Variants in KSR2 observed in about 807,000 individuals in gnomAD.
KSR2 encodes kinase suppressor of ras 2.
In KSR2, 25 loss-of-function variants were observed where a neutral mutation model predicts 107.8. That is an observed-to-expected ratio of 0.23 (90% CI 0.17 to 0.32). KSR2 has a LOEUF of 0.32. Ranked by LOEUF, KSR2 falls within the 10% of genes least tolerant of loss-of-function variation. The pLI is 1.00. For missense variants in KSR2, 887 were observed against 1,268.9 expected, an observed-to-expected ratio of 0.70 and a Z score of 4.57; for synonymous variants, 480 against 507.0, an observed-to-expected ratio of 0.95 and a Z score of 0.71.
chr12:117,784,239 T>C (rs1411889852), intron 3 of KSR2, among the ~76,000 whole-genome samples: 1 of 152,122 alleles, frequency 6.6e-6, no homozygotes, highest in African/African-American at 2.4e-5. Context: ...TGGAGATGAT[T>C]GAATCATGGG....
intron 1 of KSR2, among the ~76,000 whole-genome samples, chr12:117,926,128 C>T (rs1454689483): frequency 1.3e-5 from 2 of 152,030 alleles, no homozygotes; most frequent in African/African-American, 4.8e-5. Flanking sequence ...ACCCAGGAGG[C>T]GGAGGTTGCA....
intron 5 of KSR2, among the ~76,000 whole-genome samples, chr12:117,656,999 T>TAG (rs1342878481): frequency 1.4e-5 from 2 of 139,398 alleles, no homozygotes; most frequent in South Asian, 4.6e-4. Context: ...TATATATATA[T>TAG]ATATATATAT....
chr12:117,558,964 AACAG>A (rs1385757715), intron 7 of KSR2, among the ~76,000 whole-genome samples: 2 of 151,844 alleles, frequency 1.3e-5, no homozygotes, highest in Non-Finnish European at 2.9e-5. Context: ...GAGATGAATG[AACAG>A]ACAGATTGAT....
intron 1 of KSR2, among the ~76,000 whole-genome samples, chr12:117,895,925 G>C (rs143068646): frequency 1.3e-3 from 191 of 152,286 alleles, no homozygotes; most frequent in Middle Eastern, 3.4e-3. Flanking sequence ...TAGGTATGGT[G>C]GTGGGTGCCT....
chr12:117,527,106 G>A lies in KSR2; in HGVS notation c.1816C>T (p.Pro606Ser), dbSNP rs920071051. The stretch of plus-strand genomic sequence containing the variant: ...GGCTCCACTTCAATTTGAAGTAATG[G>A]ATTTCCTTCCAAGCTGTAAAGAAAG... ...VTSNPILEGN[P>S]LLQIEVEPTS... Residue 606 changes from proline (P) to serine (S), a missense_variant, in exon 13 of 20, where the codon CCA becomes TCA. Physicochemically the swap from Pro to Ser is moderately conservative, Grantham distance 74. Transcript: ENST00000339824. 1.9e-6 allele frequency: 3 copies of A among 1,613,070 alleles called. No homozygotes were observed. Among genetic ancestry groups the A allele is most frequent in the African/African-American group, 2.7e-5 (2 of 74,868 alleles).
chr12:117,538,374 A>G (rs1213723181), intron 10 of KSR2, among the ~76,000 whole-genome samples: 2 of 152,122 alleles, frequency 1.3e-5, no homozygotes, highest in African/African-American at 4.8e-5. Context: ...TGTGGATATA[A>G]CCCAAATCAA....
intron 5 of KSR2, among the ~76,000 whole-genome samples, chr12:117,618,016 T>G (rs1484867586): frequency 6.6e-6 from 1 of 152,160 alleles, no homozygotes; most frequent in African/African-American, 2.4e-5. Flanking sequence ...TGCTCCTGGT[T>G]TTCAGTCATG....
In KSR2 at chr12:117,786,899, C is replaced by T. The variant is rs529089001; in HGVS notation, c.473-25375G>A. ...ACAAAATTGGCCAGGCGTGGTGTTG[C>T]AAGCCTGTAATCCCAGCTACTCGGG... is the stretch of plus-strand genomic sequence containing the variant. On this transcript the variant is annotated intron_variant, in intron 3 of 19. Transcript: ENST00000339824. 3.3e-5 allele frequency among the ~76,000 whole-genome samples: 5 copies of T among 151,898 alleles called. No individual in the cohort carries two copies. The East Asian group carries it at 9.7e-4, about 29-fold the overall frequency.
At chr12:117,912,049 C>G (rs1895032522) in intron 1 of KSR2, among the ~76,000 whole-genome samples, 1 of 152,220 alleles carries the variant, frequency 6.6e-6, no homozygotes, top group African/African-American at 2.4e-5. Flanking sequence ...CGACTTGCAT[C>G]ATTCTGGTTT....
chr12:117,926,975 T>A lies in KSR2; in HGVS notation c.180+41101A>T, dbSNP rs1016594080. ...GGACTGTGGTAGGTATGAAACTATA[T>A]ATGGAAAGTGCTTAGCTCAGTCTCT... On this transcript the variant is annotated intron_variant, in intron 1 of 19. Coordinates refer to ENST00000339824, the MANE Select transcript of KSR2 (RefSeq NM_173598.6). Among the ~76,000 whole-genome samples the A allele has an allele frequency of 3.9e-5, 6 of 152,204 alleles. No individual in the cohort carries two copies. The East Asian group carries it at 1.2e-3, about 29-fold the overall frequency.
At chr12:117,852,703 A>C (rs545852577) in intron 3 of KSR2, among the ~76,000 whole-genome samples, 1 of 152,224 alleles carries the variant, frequency 6.6e-6, no homozygotes, top group Non-Finnish European at 1.5e-5. Context: ...ACCTAACCTC[A>C]AACGCTCACT....
intron 1 of KSR2, among the ~76,000 whole-genome samples, chr12:117,927,916 T>C (rs1243914273): frequency 1.3e-5 from 2 of 152,074 alleles, no homozygotes; most frequent in Non-Finnish European, 2.9e-5. Flanking sequence ...TGTGTAACCA[T>C]CACTACCATC....
chr12:117,851,879 A>G (rs1892938961), intron 3 of KSR2, among the ~76,000 whole-genome samples: 1 of 150,864 alleles, frequency 6.6e-6, no homozygotes, highest in Non-Finnish European at 1.5e-5. Flanking sequence ...CGACAGAGAG[A>G]CTCCATCTTA....
chr12:117,864,857 A>G (rs1218576534), intron 1 of KSR2, among the ~76,000 whole-genome samples: 1 of 152,186 alleles, frequency 6.6e-6, no homozygotes, highest in East Asian at 1.9e-4. Context: ...CCCTATTTCC[A>G]GATAAGGTCA....
At chr12:117,629,475 C>A (rs1359877860) in intron 5 of KSR2, among the ~76,000 whole-genome samples, 2 of 152,182 alleles carry the variant, frequency 1.3e-5, no homozygotes, top group South Asian at 2.1e-4. Context: ...CATGTGAAAC[C>A]AAACGGGAGA....
At chr12:117,547,846 C>T (rs2137309703) in intron 9 of KSR2, among the ~76,000 whole-genome samples, 1 of 152,234 alleles carries the variant, frequency 6.6e-6, no homozygotes, top group South Asian at 2.1e-4. Flanking sequence ...CCTGTAATCC[C>T]AGCACTTTGG....
chr12:117,577,423 G>C (rs984373404), intron 7 of KSR2, among the ~76,000 whole-genome samples: 5 of 152,148 alleles, frequency 3.3e-5, no homozygotes, highest in Non-Finnish European at 7.3e-5. Context: ...CAAAGGACTG[G>C]ACTGAGCGAG....
At chr12:117,795,990 G>A (rs185310295) in intron 3 of KSR2, among the ~76,000 whole-genome samples, 130 of 152,340 alleles carry the variant, frequency 8.5e-4, no homozygotes, top group Non-Finnish European at 1.7e-3. Flanking sequence ...GCAGTGGTAT[G>A]AACACAGCTC....
At chr12:117,600,337 T>C (rs977305225) in intron 5 of KSR2, among the ~76,000 whole-genome samples, 6 of 152,072 alleles carry the variant, frequency 3.9e-5, no homozygotes, top group African/African-American at 1.4e-4. Context: ...AAGGAAGAGG[T>C]GTCGAATCCA....
Sources: allele counts gnomAD v4.1 joint callset (sites outside exome capture counted in the v4.1 genomes callset), GRCh38; gene constraint gnomAD v4.1.1; transcripts MANE v1.5; gene names NCBI Gene and HGNC (gene_info 2026-07-23, HGNC 2026-07-21).